GMDS: variants seen among roughly 807,000 people sequenced by gnomAD.
GMDS encodes GDP-mannose 4,6 dehydratase.
In GMDS, 20 loss-of-function variants were observed where a neutral mutation model predicts 49.9. The ratio of observed to expected loss-of-function variants is 0.40; its 90% CI spans 0.28 to 0.58. GMDS has a LOEUF of 0.58. Ranked by LOEUF, GMDS falls within the 20% of genes least tolerant of loss-of-function variation. GMDS has a pLI of 0.42. For synonymous variants in GMDS, 177 were observed against 178.6 expected (o/e 0.99, Z 0.07); for missense variants, 362 against 481.4 (o/e 0.75, Z 2.32).
At chr6:2,031,651 CAG>C (rs1167800617) in intron 4 of GMDS, among the ~76,000 whole-genome samples, 1 of 152,046 alleles carries the variant, frequency 6.6e-6, no homozygotes, top group Non-Finnish European at 1.5e-5. Flanking sequence ...GGGAAAGAAA[CAG>C]AAGCAAAAAC....
At chr6:2,015,358 C>T (rs1040706709) in intron 4 of GMDS, among the ~76,000 whole-genome samples, 3 of 152,008 alleles carry the variant, frequency 2.0e-5, no homozygotes, top group African/African-American at 7.3e-5. Flanking sequence ...CAGATCACAA[C>T]AAAATTAAAT....
chr6:2,159,710 G>A (rs1195697987), intron 1 of GMDS, among the ~76,000 whole-genome samples: 1 of 151,098 alleles, frequency 6.6e-6, no homozygotes, highest in Non-Finnish European at 1.5e-5. Context: ...CTAGAGATGG[G>A]GTTTCACCAT....
At chr6:1,817,544 T>C (rs182113023) in intron 7 of GMDS, among the ~76,000 whole-genome samples, 1 of 152,360 alleles carries the variant, frequency 6.6e-6, no homozygotes, top group Non-Finnish European at 1.5e-5. Context: ...TACTATAACA[T>C]GCTTACAGAA....
intron 9 of GMDS, among the ~76,000 whole-genome samples, chr6:1,684,445 C>T (rs1764901440): frequency 6.6e-6 from 1 of 152,140 alleles, no homozygotes. Context: ...AGGAAACAAC[C>T]CAAATGAGCT....
chr6:1,971,475 A>C (rs1471484370), intron 4 of GMDS, among the ~76,000 whole-genome samples: 1 of 152,238 alleles, frequency 6.6e-6, no homozygotes, highest in East Asian at 1.9e-4. Flanking sequence ...TGCTAACCAG[A>C]CTAAACAAAT....
chr6:1,762,418 G>A (rs564624527), intron 7 of GMDS, among the ~76,000 whole-genome samples: 18 of 152,372 alleles, frequency 1.2e-4, no homozygotes, highest in Admixed American at 3.3e-4. Flanking sequence ...CCCAGAGCTG[G>A]CTGCCAGGGC....
At chr6:2,009,141 G>T (rs1767387056) in intron 4 of GMDS, among the ~76,000 whole-genome samples, 1 of 152,080 alleles carries the variant, frequency 6.6e-6, no homozygotes, top group Admixed American at 6.5e-5. Flanking sequence ...GTCACATTTG[G>T]GAACACATTT....
At chr6:2,157,391 C>T (rs990975836) in intron 1 of GMDS, among the ~76,000 whole-genome samples, 8 of 152,142 alleles carry the variant, frequency 5.3e-5, no homozygotes, top group Admixed American at 2.6e-4. Context: ...CTAATTTCTG[C>T]GGTAGAATGC....
chr6:1,912,959 T>C (rs1208733751), intron 7 of GMDS, among the ~76,000 whole-genome samples: 3 of 152,218 alleles, frequency 2.0e-5, no homozygotes, highest in Admixed American at 1.3e-4. Flanking sequence ...ACCTTACCTC[T>C]GCCACACAAA....
rs9503026 is a variant in GMDS, at chr6:1,811,308, C to T, written c.772-68722G>A. Among the ~76,000 whole-genome samples the T allele has an allele frequency of 2.0e-3, 309 of 152,252 alleles. 3 individuals are homozygous for T. The highest frequency in any genetic ancestry group is 6.1e-3 in the African/African-American group (255 of 41,552). ...ATCTTTTCTAATATTCAGTATGATGCCATGAAGTTTGAACTGCCATGAATA... is the reference window on the plus strand; with the variant it reads ...ATCTTTTCTAATATTCAGTATGATGTCATGAAGTTTGAACTGCCATGAATA... On this transcript the variant is annotated intron_variant, in intron 7 of 10. Coordinates refer to ENST00000380815, the MANE Select transcript of GMDS (RefSeq NM_001500.4).
chr6:2,123,938 C>T (rs1775277150), intron 2 of GMDS, among the ~76,000 whole-genome samples: 1 of 152,020 alleles, frequency 6.6e-6, no homozygotes, highest in Admixed American at 6.5e-5. Flanking sequence ...CCCAATTACA[C>T]ATTTTTAAAA....
At chr6:2,132,261 T>C (rs188113110) in intron 1 of GMDS, among the ~76,000 whole-genome samples, 26 of 152,284 alleles carry the variant, frequency 1.7e-4, no homozygotes, top group Admixed American at 1.6e-3. Context: ...TGGAAAATGA[T>C]GGGCCTAGAG....
intron 4 of GMDS, 111 bp downstream of exon 4, chr6:2,115,660 C>T: frequency 1.5e-6 from 1 of 682,226 alleles, no homozygotes; most frequent in South Asian, 1.8e-5. Flanking sequence ...GACAATTCAA[C>T]TTGAAGACTA....
chr6:1,679,792 C>G (rs964573095), intron 9 of GMDS: 24 of 152,170 alleles, frequency 1.6e-4, no homozygotes, highest in Non-Finnish European at 3.4e-4. Flanking sequence ...CAAAGGAATT[C>G]CAGTCCAACT....
intron 7 of GMDS, among the ~76,000 whole-genome samples, chr6:1,846,080 CTTTTTTT>C (rs11298909): frequency 1.8e-4 from 22 of 121,666 alleles, no homozygotes; most frequent in Non-Finnish European, 2.6e-4. Context: ...CACCATGTTT[CTTTTTTT>C]TTTTTTTTTT....
chr6:1,901,190 G>A (rs555772212), intron 7 of GMDS, among the ~76,000 whole-genome samples: 9 of 152,298 alleles, frequency 5.9e-5, no homozygotes, highest in Non-Finnish European at 4.4e-5. Flanking sequence ...GCCTGGAGTC[G>A]CCACATGGTG....
At chr6:2,164,997 T>C (rs1383047789) in intron 1 of GMDS, among the ~76,000 whole-genome samples, 2 of 152,248 alleles carry the variant, frequency 1.3e-5, no homozygotes, top group African/African-American at 4.8e-5. Context: ...GAGTATCCAA[T>C]GGTGATATCT....
chr6:1,695,083 A>T (rs907928839), intron 9 of GMDS, among the ~76,000 whole-genome samples: 23 of 150,264 alleles, frequency 1.5e-4, no homozygotes, highest in Middle Eastern at 3.5e-3. Flanking sequence ...AAAAAAAAAT[A>T]ACAAACTTCC....
chr6:1,685,354 G>T (rs1350742594), intron 9 of GMDS, among the ~76,000 whole-genome samples: 1 of 152,146 alleles, frequency 6.6e-6, no homozygotes, highest in Non-Finnish European at 1.5e-5. Flanking sequence ...GACAGAGCGA[G>T]ACTCCATCTC....
Sources: allele counts gnomAD v4.1 joint callset (sites outside exome capture counted in the v4.1 genomes callset), GRCh38; gene constraint gnomAD v4.1.1; transcripts MANE v1.5; gene names NCBI Gene and HGNC (gene_info 2026-07-23, HGNC 2026-07-21).